Variants in SIPA1L1 observed in about 807,000 individuals in gnomAD.
The protein encoded by SIPA1L1 is signal-induced proliferation-associated 1-like protein 1.
A neutral mutation model predicts 162.7 loss-of-function variants in SIPA1L1; 26 were observed. The ratio of observed to expected loss-of-function variants is 0.16; its 90% CI spans 0.12 to 0.22. SIPA1L1 has a LOEUF of 0.22. SIPA1L1 is among the 10% of genes least tolerant of loss of function. The probability of loss-of-function intolerance (pLI) is 1.00; values close to 1 mark genes in which losing one functional copy is unlikely to be tolerated. For synonymous variants in SIPA1L1, 829 were observed against 837.4 expected, an observed-to-expected ratio of 0.99 and a Z score of 0.17; for missense variants, 1,874 against 2,241.0, an observed-to-expected ratio of 0.84 and a Z score of 3.31.
intron 4 of SIPA1L1, among the ~76,000 whole-genome samples, chr14:71,550,020 A>T (rs540888419): frequency 2.3e-5 from 1 of 42,872 alleles, no homozygotes; most frequent in East Asian, 1.8e-3. Flanking sequence ...ACACTTTGGG[A>T]GGCTGAGGTA....
intron 2 of SIPA1L1, among the ~76,000 whole-genome samples, chr14:71,348,724 TA>T (rs1172781949): frequency 1.3e-5 from 2 of 152,252 alleles, no homozygotes; most frequent in Non-Finnish European, 2.9e-5. Context: ...TGTTTAATTT[TA>T]ACAAAAGGGA....
chr14:71,460,423 C>T (rs1458705454), intron 2 of SIPA1L1, among the ~76,000 whole-genome samples: 1 of 152,182 alleles, frequency 6.6e-6, no homozygotes, highest in African/African-American at 2.4e-5. Context: ...CCTAATGGAT[C>T]TCCTGTATTC....
chr14:71,496,553 A>G (rs1282221515), intron 2 of SIPA1L1, among the ~76,000 whole-genome samples: 1 of 152,202 alleles, frequency 6.6e-6, no homozygotes, highest in African/African-American at 2.4e-5. Context: ...TGGACCTTAA[A>G]AAGAATGTGT....
chr14:71,415,371 G>C (rs1007744516), intron 2 of SIPA1L1, among the ~76,000 whole-genome samples: 1 of 152,180 alleles, frequency 6.6e-6, no homozygotes, highest in African/African-American at 2.4e-5. Flanking sequence ...TGGAATCTAA[G>C]ATTTTTAGAT....
chr14:71,600,127 T>C (rs2036557290), intron 5 of SIPA1L1, among the ~76,000 whole-genome samples: 1 of 152,208 alleles, frequency 6.6e-6, no homozygotes, highest in Admixed American at 6.5e-5. Context: ...TATAGTCCCA[T>C]ATGTCTATTC....
At chr14:71,658,255 CT>C (rs1418832427) in intron 8 of SIPA1L1, 77 bp from the exon 9 acceptor site, 1 of 742,892 alleles carries the variant, frequency 1.3e-6, no homozygotes, top group South Asian at 1.7e-5. Flanking sequence ...CTTCTCTTTT[CT>C]TTTTTGAGAT....
intron 4 of SIPA1L1, chr14:71,574,455 T>A (rs1023421904): frequency 6.6e-6 from 1 of 152,096 alleles, no homozygotes; most frequent in Non-Finnish European, 1.5e-5. Flanking sequence ...ATTGGGCTGT[T>A]AATTAGGGAG....
intron 15 of SIPA1L1, among the ~76,000 whole-genome samples, chr14:71,702,787 C>G (rs1439964868): frequency 6.6e-6 from 1 of 152,206 alleles, no homozygotes; most frequent in Non-Finnish European, 1.5e-5. Flanking sequence ...CTTCCTCCCC[C>G]TTGTTTATTT....
At chr14:71,410,136 T>C (rs2042302624) in intron 2 of SIPA1L1, among the ~76,000 whole-genome samples, 1 of 152,246 alleles carries the variant, frequency 6.6e-6, no homozygotes, top group Non-Finnish European at 1.5e-5. Flanking sequence ...ATATGGCAGC[T>C]CATTGTATTC....
chr14:71,543,871 A>G (rs755667035), intron 4 of SIPA1L1, among the ~76,000 whole-genome samples: 10 of 141,844 alleles, frequency 7.1e-5, no homozygotes, highest in Non-Finnish European at 9.2e-5. Flanking sequence ...TATCATACGT[A>G]TGTGTATATA....
intron 17 of SIPA1L1, among the ~76,000 whole-genome samples, chr14:71,719,331 C>T (rs77377901): frequency 6.6e-6 from 1 of 152,244 alleles, no homozygotes; most frequent in South Asian, 2.1e-4. Flanking sequence ...CAAGAATATA[C>T]ATATGTTCAA....
chr14:71,574,533 C>T (rs1030521635), intron 4 of SIPA1L1: 18 of 152,108 alleles, frequency 1.2e-4, no homozygotes, highest in Non-Finnish European at 2.1e-4. Flanking sequence ...AGGATTTAAG[C>T]GAAGGAGGCT....
At chr14:71,587,140 A>T (rs947739609) in intron 4 of SIPA1L1, among the ~76,000 whole-genome samples, 14 of 152,118 alleles carry the variant, frequency 9.2e-5, no homozygotes, top group African/African-American at 3.4e-4. Flanking sequence ...TTCAGTTTTT[A>T]CTTTTGTCAA....
At chr14:71,548,496 A>G (rs1290715242) in intron 4 of SIPA1L1, among the ~76,000 whole-genome samples, 1 of 152,204 alleles carries the variant, frequency 6.6e-6, no homozygotes, top group Non-Finnish European at 1.5e-5. Context: ...TTAAAAATGT[A>G]GTTATCAACT....
Position 71,710,822 on chromosome 14 carries a change from A to AAAAG in SIPA1L1, c.4208+1174_4208+1177dup, listed in dbSNP as rs1281881603. The stretch of plus-strand genomic sequence containing the variant: ...GATTCTGTCTCAAAAAAAAAAAAAA[A>AAAAG]AAAGAAAGAAAGAAAGAAAAAGAAA... On this transcript the variant is annotated intron_variant, in intron 17 of 23. Coordinates refer to ENST00000381232, the MANE Select transcript of SIPA1L1 (RefSeq NM_001386936.1). Among the ~76,000 whole-genome samples the AAAAG allele has an allele frequency of 8.7e-3, 1,319 of 151,178 alleles. 26 individuals are homozygous for AAAAG. The highest frequency in any genetic ancestry group is 0.03 in the African/African-American group (1,220 of 40,978).
chr14:71,669,125 C>A (rs372491252), intron 10 of SIPA1L1, among the ~76,000 whole-genome samples: 1 of 152,172 alleles, frequency 6.6e-6, no homozygotes, highest in African/African-American at 2.4e-5. Flanking sequence ...TGTAAGGATT[C>A]TATTTCTGAC....
At chr14:71,459,256 G>A (rs567259437) in intron 2 of SIPA1L1, among the ~76,000 whole-genome samples, 17 of 152,150 alleles carry the variant, frequency 1.1e-4, no homozygotes, top group African/African-American at 4.1e-4. Flanking sequence ...ACTACAGATC[G>A]CTAGTAAATT....
chr14:71,409,341 C>T (rs2140254099), intron 2 of SIPA1L1, among the ~76,000 whole-genome samples: 1 of 151,400 alleles, frequency 6.6e-6, no homozygotes, highest in Admixed American at 6.6e-5. Context: ...TTGTCTAAAA[C>T]TTTTTGTTTT....
intron 16 of SIPA1L1, among the ~76,000 whole-genome samples, chr14:71,705,731 C>CT (rs2082390549): frequency 6.6e-6 from 1 of 151,866 alleles, no homozygotes; most frequent in Non-Finnish European, 1.5e-5. Context: ...CCAACCATAT[C>CT]TTTGATTCTG....
Sources: allele counts gnomAD v4.1 joint callset (sites outside exome capture counted in the v4.1 genomes callset), GRCh38; gene constraint gnomAD v4.1.1; transcripts MANE v1.5; gene names NCBI Gene and HGNC (gene_info 2026-07-23, HGNC 2026-07-21).